NGEF: variants seen among roughly 807,000 people sequenced by gnomAD.
NGEF encodes the protein ephexin-1.
In NGEF, 31 loss-of-function variants were observed where a neutral mutation model predicts 80.9. The observed-to-expected ratio is 0.38, with a 90% CI of 0.29 to 0.52. The LOEUF (loss-of-function observed/expected upper bound fraction) is 0.52. NGEF is among the 20% of genes least tolerant of loss of function. The probability of loss-of-function intolerance (pLI) is 0.84; values close to 1 mark genes in which losing one functional copy is unlikely to be tolerated. For synonymous variants in NGEF, 371 were observed against 370.2 expected, an observed-to-expected ratio of 1.00 and a Z score of -0.03; for missense variants, 709 against 926.2, an observed-to-expected ratio of 0.77 and a Z score of 3.04.
At chr2:232,891,004 C>A (rs1432450795) in intron 8 of NGEF, 5 of 484,666 alleles carry the variant, frequency 1.0e-5, no homozygotes, top group Non-Finnish European at 1.7e-5. Context: ...CCTGCCCCCA[C>A]CAGCTCCTCC....
chr2:232,925,008 T>C (rs1693030879), intron 4 of NGEF, among the ~76,000 whole-genome samples: 1 of 152,240 alleles, frequency 6.6e-6, no homozygotes, highest in Non-Finnish European at 1.5e-5. Context: ...TGACGAACTA[T>C]ATTAACATAT....
intron 5 of NGEF, 26 bp downstream of exon 5, chr2:232,920,258 A>T (rs1218201163): frequency 2.6e-5 from 42 of 1,591,984 alleles, no homozygotes; most frequent in Non-Finnish European, 3.4e-5. Context: ...GCTGTGGGGG[A>T]GCCCCCGCCC....
rs532362410 is a variant in NGEF at position 232,885,007 on chromosome 2, G to C, written c.1437+273C>G. On this transcript the variant is annotated intron_variant, in intron 10 of 14. Coordinates refer to ENST00000264051, the MANE Select transcript of NGEF (RefSeq NM_019850.3). ...TCAAGGCCACGCAGCGGGCAGGTGA[G>C]AGCAGGGTCCACACCCTGCGTGGGT... 9.8e-6 allele frequency: 4 copies of C among 406,212 alleles called. No homozygotes were observed. The South Asian group carries it at 1.6e-4, about 16-fold the overall frequency. The allele number at this position is 406,212 out of a possible 1,614,324, so 25.2% of individuals were successfully genotyped here. A position where few individuals can be genotyped will look rare whatever the true frequency, so the allele number is the denominator to read the frequency against.
At chr2:232,906,058 CGGGA>C (rs1262478445) in intron 5 of NGEF, among the ~76,000 whole-genome samples, 1 of 131,788 alleles carries the variant, frequency 7.6e-6, no homozygotes, top group African/African-American at 2.9e-5. Flanking sequence ...CCGCCCCGTC[CGGGA>C]GGGAGGTGAG....
intron 1 of NGEF, among the ~76,000 whole-genome samples, chr2:232,998,341 G>A (rs1170918143): frequency 6.6e-6 from 1 of 152,142 alleles, no homozygotes; most frequent in African/African-American, 2.4e-5. Flanking sequence ...GCTCTTCCAG[G>A]TCCCAGAAGA....
intron 2 of NGEF, among the ~76,000 whole-genome samples, chr2:232,972,634 A>G (rs943944354): frequency 1.3e-5 from 2 of 149,564 alleles, no homozygotes; most frequent in African/African-American, 4.9e-5. Flanking sequence ...TAAAATGGGT[A>G]TGGTAAGAAT....
In NGEF at chr2:233,007,243, C is replaced by CAAAT. The variant is rs145057692; in HGVS notation, c.-75+5821_-75+5824dup. Among the ~76,000 whole-genome samples, 1,138 of 152,192 alleles carry CAAAT rather than the reference C, an allele frequency of 7.5e-3. 24 individuals are homozygous for CAAAT. The East Asian group carries it at 0.091, about 12-fold the overall frequency. On this transcript the variant is annotated intron_variant, in intron 1 of 14. Transcript: ENST00000264051. ...TGAGCAACAGAGCAAGACCCTGTCT[C>CAAAT]AAATAAATAAATAAATAAATACAAT...
At chr2:232,958,235 G>A (rs1238448494) in intron 3 of NGEF, among the ~76,000 whole-genome samples, 1 of 152,124 alleles carries the variant, frequency 6.6e-6, no homozygotes, top group Non-Finnish European at 1.5e-5. Context: ...GTGGAGAAAT[G>A]GGTTATCACC....
At chr2:232,885,973 T>A (rs565154394) in intron 9 of NGEF, among the ~76,000 whole-genome samples, 154 of 152,344 alleles carry the variant, frequency 1.0e-3, no homozygotes, top group African/African-American at 3.6e-3. Flanking sequence ...TTATGATCTA[T>A]GCAGATACGC....
intron 1 of NGEF, among the ~76,000 whole-genome samples, chr2:232,981,173 T>C (rs1299093142): frequency 6.7e-6 from 1 of 149,834 alleles, no homozygotes; most frequent in African/African-American, 2.5e-5. Context: ...TTGCAAAAAG[T>C]ATAACTGAGG....
rs571391217 is a variant in NGEF at position 232,947,285 on chromosome 2, C to T, written c.384-20099G>A. 2.8e-4 allele frequency among the ~76,000 whole-genome samples: 42 copies of T among 152,292 alleles called. No homozygotes were observed. The South Asian group carries it at 8.7e-3, about 32-fold the overall frequency. On this transcript the variant is annotated intron_variant, in intron 3 of 14. Coordinates refer to ENST00000264051, the MANE Select transcript of NGEF (RefSeq NM_019850.3). Reference sequence around the variant, plus strand: ...GAAGTACACATCACCCGGATGCAGTCTCGCTGAAAATGTTTAACCTGAATC... The same window carrying T: ...GAAGTACACATCACCCGGATGCAGTTTCGCTGAAAATGTTTAACCTGAATC...
intron 1 of NGEF, among the ~76,000 whole-genome samples, chr2:233,003,624 G>A (rs952267655): frequency 6.6e-6 from 1 of 152,120 alleles, no homozygotes; most frequent in Middle Eastern, 3.2e-3. Context: ...CCATGGAGAC[G>A]TCTGTTCATC....
At chr2:232,886,232 CTG>C (rs776651814) in intron 9 of NGEF, among the ~76,000 whole-genome samples, 5 of 80,918 alleles carry the variant, frequency 6.2e-5, no homozygotes, top group East Asian at 3.8e-4. Flanking sequence ...TAAGTATGTG[CTG>C]TGTGTGTGTG....
At chr2:232,945,245 A>G (rs1693534439) in intron 3 of NGEF, among the ~76,000 whole-genome samples, 1 of 152,112 alleles carries the variant, frequency 6.6e-6, no homozygotes, top group South Asian at 2.1e-4. Context: ...CTTTATTTTT[A>G]TACCCTGACT....
chr2:232,928,265 G>A (rs1056646095), intron 3 of NGEF: 10 of 699,826 alleles, frequency 1.4e-5, no homozygotes, highest in African/African-American at 1.9e-5. Flanking sequence ...GGGGGCGCCC[G>A]GGCTGGGCGC....
chr2:232,973,075 A>C (rs1574646927), intron 2 of NGEF, among the ~76,000 whole-genome samples: 1 of 151,996 alleles, frequency 6.6e-6, no homozygotes, highest in African/African-American at 2.4e-5. Flanking sequence ...CCATTTGTCA[A>C]GACTCATCTG....
At chr2:232,989,048 A>T (rs1422363281) in intron 1 of NGEF, among the ~76,000 whole-genome samples, 1 of 152,218 alleles carries the variant, frequency 6.6e-6, no homozygotes. Flanking sequence ...ACAAACACAC[A>T]TATATCTGAA....
intron 1 of NGEF, among the ~76,000 whole-genome samples, chr2:232,994,185 C>T (rs1053517833): frequency 4.6e-5 from 7 of 152,156 alleles, no homozygotes; most frequent in South Asian, 4.1e-4. Flanking sequence ...GACTGGCCAA[C>T]ATGGTGAAAC....
chr2:232,949,199 T>C (rs6705372), intron 3 of NGEF, among the ~76,000 whole-genome samples: 72,747 of 152,054 alleles, frequency 0.48, 17,709 homozygotes, highest in Middle Eastern at 0.56. Context: ...GTGAGCCCCA[T>C]GAAGGCGGAG....
Sources: gnomAD v4.1 joint callset for allele counts (sites outside exome capture counted in the v4.1 genomes callset) on GRCh38, gnomAD v4.1.1 for gene constraint, MANE v1.5 for transcripts, NCBI Gene and HGNC (gene_info 2026-07-23, HGNC 2026-07-21) for gene names.